PIK3C2A: variants seen among roughly 807,000 people sequenced by gnomAD.
PIK3C2A encodes phosphatidylinositol 4-phosphate 3-kinase C2 domain-containing subunit alpha.
Under a neutral mutation model 204.5 loss-of-function variants are expected in PIK3C2A, and 97 were observed. The ratio of observed to expected loss-of-function variants is 0.47; its 90% confidence interval spans 0.40 to 0.56. PIK3C2A has a LOEUF of 0.56. Among genes scored for constraint, PIK3C2A ranks in the 20% least tolerant of loss-of-function variants. PIK3C2A has a pLI of 0.00. For synonymous variants in PIK3C2A, 653 were observed against 664.4 expected, an observed-to-expected ratio of 0.98 and a Z score of 0.26; for missense variants, 1,735 against 1,969.2, an observed-to-expected ratio of 0.88 and a Z score of 2.25.
At chr11:17,097,033 T>C in intron 27 of PIK3C2A, 24 bp downstream of exon 27, 1 of 1,323,940 alleles carries the variant, frequency 7.6e-7, no homozygotes, top group Non-Finnish European at 1.1e-6. Flanking sequence ...CATGATTGTT[T>C]ATGAATATTG....
chr11:17,159,719 A>C (rs1850714323), intron 2 of PIK3C2A, among the ~76,000 whole-genome samples: 1 of 152,222 alleles, frequency 6.6e-6, no homozygotes, highest in Admixed American at 6.5e-5. Context: ...CAGAACTGGG[A>C]CATCTCTTTA....
rs773303465 is a variant in PIK3C2A, at chr11:17,119,328, T to C, written c.2847-15A>G. ...GATCAGCAAATCTAGAAGATTACCA[T>C]AAAACCAAGATTGGACAGTGATTTC... On this transcript the variant is annotated splice_polypyrimidine_tract_variant and intron_variant, in intron 16 of 32. Transcript: ENST00000691414. The C allele has an allele frequency of 6.8e-7, 1 of 1,471,886 alleles. No homozygotes were observed. The allele number at this position is 1,471,886 out of a possible 1,614,324, so 91.2% of individuals were successfully genotyped here.
At chr11:17,103,229 C>A (rs1345121497) in intron 23 of PIK3C2A, among the ~76,000 whole-genome samples, 2 of 151,642 alleles carry the variant, frequency 1.3e-5, no homozygotes, top group Non-Finnish European at 2.9e-5. Context: ...TTTCCTCTGC[C>A]TGCAGGGAAG....
At chr11:17,117,956 G>A (rs566493455) in intron 18 of PIK3C2A, among the ~76,000 whole-genome samples, 47 of 151,904 alleles carry the variant, frequency 3.1e-4, no homozygotes, top group African/African-American at 1.1e-3. Flanking sequence ...CTTGTGATCC[G>A]CCCACTTCGG....
intron 27 of PIK3C2A, among the ~76,000 whole-genome samples, chr11:17,095,110 G>A (rs1043443419): frequency 6.6e-6 from 1 of 152,054 alleles, no homozygotes. Flanking sequence ...TTAGCCAACT[G>A]TGGTGGCACA....
At chr11:17,115,851 T>A (rs1369329364) in intron 19 of PIK3C2A, 2 of 152,188 alleles carry the variant, frequency 1.3e-5, no homozygotes, top group East Asian at 3.8e-4. Context: ...GACAACTGGA[T>A]AACCTCATTC....
intron 24 of PIK3C2A, 100 bp downstream of exon 24, chr11:17,102,562 T>G (rs1267186325): frequency 1.1e-6 from 1 of 891,108 alleles, no homozygotes; most frequent in African/African-American, 1.7e-5. Context: ...CCCAGTTATG[T>G]TCAAATGGAG....
chr11:17,096,274 G>C (rs912545650), intron 27 of PIK3C2A, among the ~76,000 whole-genome samples: 4 of 152,052 alleles, frequency 2.6e-5, no homozygotes, highest in Non-Finnish European at 4.4e-5. Flanking sequence ...CCTGACCTCA[G>C]GTGATCACCT....
rs927520981 is a variant in PIK3C2A at position 17,139,407 on chromosome 11, T to C, written c.1705-2782A>G. 2.6e-5 allele frequency among the ~76,000 whole-genome samples: 4 copies of C among 151,562 alleles called. 1 individual carries two copies. The Middle Eastern group carries it at 0.01, about 397-fold the overall frequency. ...CATGCCCGGCTAATTTTTGTAATTT[T>C]AGTAGAGACCGGCTTTCGCCATATT... On this transcript the variant is annotated intron_variant, in intron 8 of 32. Transcript: ENST00000691414.
At chr11:17,187,305 C>G (rs1395745888) in intron 1 of PIK3C2A, among the ~76,000 whole-genome samples, 1 of 152,108 alleles carries the variant, frequency 6.6e-6, no homozygotes, top group African/African-American at 2.4e-5. Flanking sequence ...TCAGAAACTA[C>G]AGAGAGATGA....
chr11:17,170,981 T>A (rs1851137504), intron 1 of PIK3C2A, among the ~76,000 whole-genome samples: 1 of 152,078 alleles, frequency 6.6e-6, no homozygotes, highest in South Asian at 2.1e-4. Flanking sequence ...CGGGCACCTG[T>A]AGTCCCAGCT....
chr11:17,131,950 T>C lies in PIK3C2A; in HGVS notation c.2197A>G (p.Lys733Glu). Residue 733 changes from lysine (K) to glutamate (E), a missense_variant, in exon 12 of 33, where the codon AAG (lysine) becomes GAG (glutamate). Coordinates refer to ENST00000691414, the MANE Select transcript of PIK3C2A (RefSeq NM_002645.4). Reference protein sequence around the residue: ...PIQSKKVGTYKNFFYLIKWDE... With the variant: ...PIQSKKVGTYENFFYLIKWDE... Reference sequence around the variant, plus strand: ...CATTTAATAAGATAGAAGAAATTCTTGTAAGTGCCAACCTTCTTTGATTGA... The same window carrying C: ...CATTTAATAAGATAGAAGAAATTCTCGTAAGTGCCAACCTTCTTTGATTGA... The C allele has an allele frequency of 6.3e-7, 1 of 1,599,492 alleles. No individual in the cohort carries two copies. Among genetic ancestry groups the C allele is most frequent in the African/African-American group, 1.3e-5 (1 of 74,462 alleles).
At chr11:17,133,227 G>C (rs1186184181) in intron 11 of PIK3C2A, among the ~76,000 whole-genome samples, 1 of 151,864 alleles carries the variant, frequency 6.6e-6, no homozygotes, top group African/African-American at 2.4e-5. Flanking sequence ...CACCTCATTA[G>C]TGTCCCTATG....
chr11:17,094,378 A>G lies in PIK3C2A; in HGVS notation c.4334T>C (p.Val1445Ala). 1.2e-6 allele frequency: 2 copies of G among 1,606,944 alleles called. No homozygotes were observed. The highest frequency in any genetic ancestry group is 1.3e-5 in the African/African-American group (1 of 74,644). ...KYNPDKHYIY[V>A]VRILREGQIE... is the part of the protein sequence containing the mutation. ...CTGTCCTTCCCTCAAAATTCGGACT[A>G]CATAAATCTGAAAAGAAATCACACC... is the stretch of plus-strand genomic sequence containing the variant. Residue 1445 changes from valine to alanine, a missense_variant, in exon 28 of 33, where the codon GTA (valine) becomes GCA (alanine). Coordinates refer to ENST00000691414, the MANE Select transcript of PIK3C2A (RefSeq NM_002645.4).
intron 8 of PIK3C2A, among the ~76,000 whole-genome samples, chr11:17,138,626 G>A (rs912705077): frequency 6.6e-6 from 1 of 152,142 alleles, no homozygotes; most frequent in East Asian, 1.9e-4. Flanking sequence ...ACCCCTTAGA[G>A]TAGGGTTGGC....
At chr11:17,110,222 G>C (rs1483295902) in intron 22 of PIK3C2A, among the ~76,000 whole-genome samples, 1 of 151,986 alleles carries the variant, frequency 6.6e-6, no homozygotes, top group South Asian at 2.1e-4. Flanking sequence ...CAAAGTGCTG[G>C]GATTACAGGC....
At chr11:17,092,349 T>A (rs1269274564) in intron 28 of PIK3C2A, 73 bp from the exon 29 acceptor site, 2 of 767,722 alleles carry the variant, frequency 2.6e-6, no homozygotes, top group Non-Finnish European at 4.5e-6. Context: ...CTTTTTCATA[T>A]ATACTTAAAG....
At chr11:17,157,718 G>A (rs983749931) in intron 2 of PIK3C2A, among the ~76,000 whole-genome samples, 21 of 152,260 alleles carry the variant, frequency 1.4e-4, no homozygotes, top group African/African-American at 4.8e-4. Flanking sequence ...GAAAGATTAC[G>A]TCTGAACTAA....
chr11:17,104,960 GGGGGTGTAATTTA>G (rs1456083787), intron 23 of PIK3C2A, among the ~76,000 whole-genome samples, 196 bp downstream of exon 23: 1 of 151,956 alleles, frequency 6.6e-6, no homozygotes, highest in Non-Finnish European at 1.5e-5. Context: ...GGAAATTTTT[GGGGGTGTAATTTA>G]GCATTGGTTT....
Sources: gnomAD v4.1 joint callset for allele counts (sites outside exome capture counted in the v4.1 genomes callset) on GRCh38, gnomAD v4.1.1 for gene constraint, MANE v1.5 for transcripts, NCBI Gene and HGNC (gene_info 2026-07-23, HGNC 2026-07-21) for gene names.